Variants in XCR1 observed in about 807,000 individuals in gnomAD.
XCR1 encodes the protein X-C motif chemokine receptor 1, also known as chemokine XC receptor 1.
For missense variants in XCR1, 356 were observed against 424.2 expected (o/e 0.84, Z 1.41); for synonymous variants, 187 against 188.5 (o/e 0.99, Z 0.06).
At chr3:46,023,196 C>T (rs1226475466) in intron 1 of XCR1, 1 of 472,456 alleles carries the variant, frequency 2.1e-6, no homozygotes, top group Non-Finnish European at 3.7e-6. Context: ...GATTGTTGCT[C>T]CCTCTGCGCC....
In XCR1 at chr3:46,017,602, G is replaced by A. The variant is rs1449450779; in HGVS notation, c.*3344C>T. 1 of 152,242 alleles carries A rather than the reference G, an allele frequency of 6.6e-6. No homozygotes were observed. The highest frequency in any genetic ancestry group is 2.4e-5 in the African/African-American group (1 of 41,448). The allele number at this position is 152,242 out of a possible 1,614,324, so 9.4% of individuals were successfully genotyped here. ...CACTGAGGGAGATGGTAGGAACTGGGTTTGTGCCTTTGAGGGATTTCCACT... is the reference window on the plus strand; with the variant it reads ...CACTGAGGGAGATGGTAGGAACTGGATTTGTGCCTTTGAGGGATTTCCACT... On this transcript the variant is annotated 3_prime_UTR_variant, in exon 2 of 2. Coordinates refer to ENST00000309285, the MANE Select transcript of XCR1 (RefSeq NM_001024644.2).
At chr3:46,070,387 G>A (rs536564211) in intron 3 of XCR1, among the ~76,000 whole-genome samples, 28 of 152,114 alleles carry the variant, frequency 1.8e-4, no homozygotes, top group Admixed American at 1.4e-3. Context: ...GGATGCTGAA[G>A]TCCCTCACTA....
intron 5 of XCR1, among the ~76,000 whole-genome samples, chr3:46,036,761 G>T (rs1261773762): frequency 6.6e-6 from 1 of 152,158 alleles, no homozygotes; most frequent in Non-Finnish European, 1.5e-5. Context: ...CTAATTTAAT[G>T]TTATTGGTTT....
chr3:46,035,516 G>A (rs1037493203), intron 5 of XCR1, among the ~76,000 whole-genome samples: 3 of 152,164 alleles, frequency 2.0e-5, no homozygotes, highest in Admixed American at 6.5e-5. Context: ...GTTGCTCATT[G>A]CTCAGCTGCC....
At chr3:46,028,765 A>T (rs550456162), upstream of XCR1, among the ~76,000 whole-genome samples, 1 of 151,882 alleles carries the variant, frequency 6.6e-6, no homozygotes, top group African/African-American at 2.4e-5. Flanking sequence ...AATTATTTTA[A>T]TTTTTTTGTA....
At chr3:46,077,902 G>C (rs1698289926) in intron 1 of XCR1, among the ~76,000 whole-genome samples, 1 of 152,054 alleles carries the variant, frequency 6.6e-6, no homozygotes, top group South Asian at 2.1e-4. Flanking sequence ...ATAAAGCTGG[G>C]AACAACACAC....
At chr3:46,067,370 CA>C (rs1039423931) in intron 3 of XCR1, among the ~76,000 whole-genome samples, 2 of 152,100 alleles carry the variant, frequency 1.3e-5, no homozygotes, top group African/African-American at 4.8e-5. Context: ...TCTGGGCCAT[CA>C]GGGGGTTCAG....
intron 1 of XCR1, chr3:46,023,917 G>A: frequency 6.7e-7 from 1 of 1,497,046 alleles, no homozygotes; most frequent in Non-Finnish European, 9.2e-7. Context: ...CTTCTAAAAA[G>A]GTCCAGTAGA....
chr3:46,042,585 G>A lies in XCR1; in HGVS notation c.-32+11335C>T, dbSNP rs1288931546. Among the ~76,000 whole-genome samples, 5 of 152,216 alleles carry A rather than the reference G, an allele frequency of 3.3e-5. 1 individual carries two copies. Among genetic ancestry groups the A allele is most frequent in the South Asian group, 2.1e-4 (1 of 4,828 alleles). On this transcript the variant is annotated intron_variant, in intron 5 of 5. Transcript: ENST00000683768. ...AATTGGGTAACTGATAAAATGGACC[G>A]ATTCTTAAGAAGATGCAATCTACCA...
rs1385072617 is a variant in XCR1 at position 46,021,617 on chromosome 3, T to G, written c.331A>C (p.Ile111Leu). The G allele has an allele frequency of 3.1e-6, 5 of 1,613,378 alleles. No individual in the cohort carries two copies. Among genetic ancestry groups the G allele is most frequent in the Non-Finnish European group, 4.2e-6 (5 of 1,179,712 alleles). ...AAGAAGATGCTGCTGTAGAGGCTGA[T>G]GGAGAAGATCATATTGAGGAGTTTG... ...LCKLLNMIFS[I>L]SLYSSIFFLT... The change falls in exon 2 of 2, where the codon ATC becomes CTC. Residue 111 changes from isoleucine to leucine, a missense_variant. Transcript: ENST00000309285. This position sits in a 1 kb window ranked among gnomAD's most constrained non-coding sequence, Gnocchi z 4.7.
chr3:46,042,936 G>T (rs1184789276), intron 5 of XCR1, among the ~76,000 whole-genome samples: 2 of 152,070 alleles, frequency 1.3e-5, no homozygotes, highest in Non-Finnish European at 2.9e-5. Context: ...ATACTAGCAA[G>T]CTGAATTCAA....
chr3:46,076,408 C>T (rs924757785), intron 2 of XCR1, among the ~76,000 whole-genome samples: 1 of 151,930 alleles, frequency 6.6e-6, no homozygotes, highest in African/African-American at 2.4e-5. Flanking sequence ...TGAGCTGGCC[C>T]CACATTGGCT....
chr3:46,057,041 A>G (rs951821691), intron 4 of XCR1, among the ~76,000 whole-genome samples: 1 of 152,242 alleles, frequency 6.6e-6, no homozygotes, highest in African/African-American at 2.4e-5. Context: ...AAACAGATTC[A>G]TCATCACCCT....
At chr3:46,036,434 G>T (rs1467379737) in intron 5 of XCR1, among the ~76,000 whole-genome samples, 1 of 152,232 alleles carries the variant, frequency 6.6e-6, no homozygotes, top group Non-Finnish European at 1.5e-5. Context: ...ATGTGTTTAT[G>T]TATGTACATT....
intron 1 of XCR1, among the ~76,000 whole-genome samples, chr3:46,079,347 G>T (rs1283540132): frequency 6.6e-6 from 1 of 151,980 alleles, no homozygotes; most frequent in Admixed American, 6.6e-5. Context: ...GAAAAAAGCT[G>T]GTTTTAGAAC....
At chr3:46,052,265 G>C (rs929439587) in intron 5 of XCR1, among the ~76,000 whole-genome samples, 2 of 152,140 alleles carry the variant, frequency 1.3e-5, no homozygotes, top group Non-Finnish European at 2.9e-5. Flanking sequence ...TGTTCCTGGG[G>C]TGAGGGAATC....
intron 1 of XCR1, among the ~76,000 whole-genome samples, chr3:46,083,351 T>C (rs1698412327): frequency 6.6e-6 from 1 of 152,230 alleles, no homozygotes. Flanking sequence ...TCTAAGAGCA[T>C]GGAATGTTGA....
chr3:46,043,006 T>C (rs1032185071), intron 5 of XCR1, among the ~76,000 whole-genome samples: 1 of 149,106 alleles, frequency 6.7e-6, no homozygotes, highest in Admixed American at 6.6e-5. Context: ...AATGCAAGAG[T>C]GGTGGTTCAA....
At chr3:46,043,216 A>G (rs182526603) in intron 5 of XCR1, among the ~76,000 whole-genome samples, 4 of 152,014 alleles carry the variant, frequency 2.6e-5, no homozygotes, top group Admixed American at 2.6e-4. Flanking sequence ...TGAGGCAGGC[A>G]GATCACCTGA....
Sources: allele counts gnomAD v4.1 joint callset (sites outside exome capture counted in the v4.1 genomes callset), GRCh38; gene constraint gnomAD v4.1.1; non-coding constraint Gnocchi (gnomAD v3.1); transcripts MANE v1.5; gene names NCBI Gene and HGNC (gene_info 2026-07-23, HGNC 2026-07-21).